Variants in PRKCA observed in about 807,000 individuals in gnomAD.
PRKCA encodes the protein protein kinase C alpha.
PRKCA carries 27 observed loss-of-function variants against 87.0 expected under a neutral mutation model. The observed-to-expected ratio is 0.31, with a 90% confidence interval of 0.23 to 0.43. The LOEUF (loss-of-function observed/expected upper bound fraction) is 0.43, where lower values mean the gene tolerates loss of function less well. PRKCA is among the 20% of genes least tolerant of loss of function. The pLI, the probability that PRKCA is intolerant of heterozygous loss-of-function variation, is 1.00. For missense variants in PRKCA, 518 were observed against 852.3 expected, an observed-to-expected ratio of 0.61 and a Z score of 4.88; for synonymous variants, 329 against 311.1, an observed-to-expected ratio of 1.06 and a Z score of -0.61.
chr17:66,347,577 A>G (rs1322492218), intron 2 of PRKCA, among the ~76,000 whole-genome samples: 2 of 152,172 alleles, frequency 1.3e-5, no homozygotes, highest in Non-Finnish European at 2.9e-5. Context: ...TTTGGAAAAC[A>G]CTATTTCATT....
intron 12 of PRKCA, among the ~76,000 whole-genome samples, chr17:66,742,339 A>G (rs751024879): frequency 1.3e-5 from 2 of 152,194 alleles, no homozygotes; most frequent in African/African-American, 4.8e-5. Context: ...GACGTGCTCA[A>G]TTGGAATCTC....
chr17:66,569,951 G>A (rs12452826), intron 3 of PRKCA, among the ~76,000 whole-genome samples: 17,366 of 152,080 alleles, frequency 0.11, 1,071 homozygotes, highest in East Asian at 0.15. Flanking sequence ...TGCCCAAAAT[G>A]TTCACAGAAG....
intron 5 of PRKCA, among the ~76,000 whole-genome samples, chr17:66,680,467 A>G (rs1284138765): frequency 6.6e-6 from 1 of 151,850 alleles, no homozygotes; most frequent in Non-Finnish European, 1.5e-5. Context: ...AGAGGGGGGG[A>G]GAAAAAGTAA....
intron 3 of PRKCA, among the ~76,000 whole-genome samples, chr17:66,546,719 A>G (rs1018041933): frequency 7.9e-5 from 12 of 152,342 alleles, no homozygotes; most frequent in African/African-American, 2.9e-4. Flanking sequence ...ATAACGTCAC[A>G]TTCACGTAGA....
chr17:66,675,964 T>C (rs558874957), intron 5 of PRKCA, among the ~76,000 whole-genome samples: 40 of 152,140 alleles, frequency 2.6e-4, no homozygotes, highest in Non-Finnish European at 3.5e-4. Context: ...CTTGCCTTAT[T>C]GCTAGACAGC....
chr17:66,583,095 C>T (rs961262077), intron 3 of PRKCA, among the ~76,000 whole-genome samples: 2 of 152,198 alleles, frequency 1.3e-5, no homozygotes, highest in Non-Finnish European at 2.9e-5. Context: ...ACATTTCAAA[C>T]AGTCCAGGAA....
At chr17:66,754,963 G>A (rs1002029429) in intron 13 of PRKCA, among the ~76,000 whole-genome samples, 15 of 152,136 alleles carry the variant, frequency 9.9e-5, no homozygotes, top group Non-Finnish European at 2.2e-4. Context: ...CTGGGGGTTA[G>A]GGCTTCAGCA....
intron 5 of PRKCA, among the ~76,000 whole-genome samples, chr17:66,670,737 C>G (rs1972156960): frequency 6.6e-6 from 1 of 151,920 alleles, no homozygotes; most frequent in South Asian, 2.1e-4. Context: ...TGGCGTGTGT[C>G]TGTAGTCCCA....
intron 13 of PRKCA, among the ~76,000 whole-genome samples, chr17:66,767,879 T>C: frequency 6.6e-6 from 1 of 152,214 alleles, no homozygotes; most frequent in East Asian, 1.9e-4. Flanking sequence ...TATCTGATGC[T>C]GAAGGTTTGC....
chr17:66,499,920 A>G (rs893610844), intron 3 of PRKCA, among the ~76,000 whole-genome samples: 7 of 152,184 alleles, frequency 4.6e-5, no homozygotes, highest in Non-Finnish European at 7.3e-5. Context: ...CAGACATCTC[A>G]TGCCGAATGT....
At chr17:66,346,744 T>C (rs1239393105) in intron 2 of PRKCA, among the ~76,000 whole-genome samples, 6 of 152,120 alleles carry the variant, frequency 3.9e-5, no homozygotes, top group Non-Finnish European at 8.8e-5. Context: ...GTTCTTAGGA[T>C]GGCTTTTGGT....
chr17:66,509,208 G>A (rs1467612487), intron 3 of PRKCA, among the ~76,000 whole-genome samples: 1 of 147,216 alleles, frequency 6.8e-6, no homozygotes, highest in African/African-American at 2.5e-5. Flanking sequence ...GTGTGTGTGT[G>A]TAAAGAGATT....
chr17:66,447,588 G>A (rs530102831), intron 2 of PRKCA, among the ~76,000 whole-genome samples: 30 of 152,328 alleles, frequency 2.0e-4, no homozygotes, highest in South Asian at 1.9e-3. Flanking sequence ...GATGACAGGC[G>A]TTCATAAAGC....
At chr17:66,694,946 T>A (rs1300050576) in intron 8 of PRKCA, among the ~76,000 whole-genome samples, 1 of 152,168 alleles carries the variant, frequency 6.6e-6, no homozygotes, top group African/African-American at 2.4e-5. Flanking sequence ...TTGGGCTACA[T>A]CTACCTTCAG....
chr17:66,745,511 C>T (rs1476293948), intron 13 of PRKCA, among the ~76,000 whole-genome samples: 1 of 152,118 alleles, frequency 6.6e-6, no homozygotes, highest in African/African-American at 2.4e-5. Context: ...GAAACCCCAT[C>T]TCTACTAAAA....
chr17:66,554,174 G>T (rs1322973821), intron 3 of PRKCA, among the ~76,000 whole-genome samples: 6 of 151,860 alleles, frequency 4.0e-5, no homozygotes, highest in Admixed American at 1.3e-4. Context: ...CCAACACTTT[G>T]GGAGGCCAAG....
At chr17:66,513,353 C>T (rs1400338922) in intron 3 of PRKCA, among the ~76,000 whole-genome samples, 3 of 152,122 alleles carry the variant, frequency 2.0e-5, no homozygotes, top group East Asian at 1.9e-4. Context: ...TGAGACCTGC[C>T]GTGTGATCGG....
intron 3 of PRKCA, among the ~76,000 whole-genome samples, chr17:66,540,551 G>A (rs1454025516): frequency 6.6e-6 from 1 of 152,210 alleles, no homozygotes; most frequent in African/African-American, 2.4e-5. Context: ...GTTAGAAGCA[G>A]CACTCGGAGT....
Position 66,325,779 on chromosome 17 carries a change from T to G in PRKCA, c.205+19652T>G, listed in dbSNP as rs147708896. Among the ~76,000 whole-genome samples, 75 of 152,340 alleles carry G rather than the reference T, an allele frequency of 4.9e-4. 2 individuals carry two copies. In the East Asian group the frequency reaches 9.8e-3, roughly 20 times the overall value. ...CTACCTAGAGAGCCCTAGGATTACT[T>G]TGAGTTTATAGGACTGCAAGCTTTT... On this transcript the variant is annotated intron_variant, in intron 2 of 16. Transcript: ENST00000413366.
Sources: gnomAD v4.1 joint callset for allele counts (sites outside exome capture counted in the v4.1 genomes callset) on GRCh38, gnomAD v4.1.1 for gene constraint, MANE v1.5 for transcripts, NCBI Gene and HGNC (gene_info 2026-07-23, HGNC 2026-07-21) for gene names.